Variants in PCDH8 observed in about 807,000 individuals in gnomAD.
PCDH8 encodes the protein protocadherin 8.
Under a neutral mutation model 58.2 loss-of-function variants are expected in PCDH8, and 36 were observed. That is an observed-to-expected ratio of 0.62 (90% confidence interval 0.47 to 0.82). The LOEUF is 0.82. Among genes scored for constraint, PCDH8 ranks in the 40% least tolerant of loss-of-function variants. The pLI, the probability that PCDH8 is intolerant of heterozygous loss-of-function variation, is 0.00. For missense variants in PCDH8, 1,493 were observed against 1,567.8 expected (o/e 0.95, Z 0.81); for synonymous variants, 775 against 728.9 (o/e 1.06, Z -1.02).
chr13:52,846,647 A>G lies in PCDH8; in HGVS notation c.1790T>C (p.Val597Ala). Residue 597 changes from valine (V) to alanine (A), a missense_variant, in exon 1 of 3, where the codon GTG becomes GCG. Physicochemically the swap from Val to Ala is moderately conservative, Grantham distance 64 (BLOSUM62 0). Transcript: ENST00000377942. ...ATGGTCGTTCTGGTCCAGCACGCGCACTTGCACTAGGGCGCTGCTGGAAAG... is the reference window on the plus strand; with the variant it reads ...ATGGTCGTTCTGGTCCAGCACGCGCGCTTGCACTAGGGCGCTGCTGGAAAG... Reference protein sequence around the residue: ...PQLSSSALVQVRVLDQNDHAP... With the variant: ...PQLSSSALVQARVLDQNDHAP... 1 of 1,604,222 alleles carries G rather than the reference A, an allele frequency of 6.2e-7. No homozygotes were observed.
In PCDH8 at chr13:52,846,470, T is replaced by C. The variant is rs768660830; in HGVS notation, c.1967A>G (p.Gln656Arg). ...NGELAFELQQQEPREAFAIGR... is the reference protein window; with the variant it reads ...NGELAFELQQREPREAFAIGR... The stretch of plus-strand genomic sequence containing the variant: ...GATGGCGAAGGCTTCGCGCGGCTCC[T>C]GCTGCTGCAGCTCGAACGCCAGCTC... Residue 656 changes from glutamine to arginine, a missense_variant, in exon 1 of 3, where the codon CAG (glutamine) becomes CGG (arginine). Physicochemically the swap from Gln to Arg is conservative, Grantham distance 43. Transcript: ENST00000377942. The C allele has an allele frequency of 4.4e-6, 7 of 1,598,612 alleles. No homozygotes were observed. In the East Asian group the frequency reaches 1.6e-4, roughly 36 times the overall value.
chr13:52,847,317 C>T lies in PCDH8; in HGVS notation c.1120G>A (p.Ala374Thr). Residue 374 changes from alanine to threonine, a missense_variant, in exon 1 of 3, where the codon GCC becomes ACC. Coordinates refer to ENST00000377942, the MANE Select transcript of PCDH8 (RefSeq NM_002590.4). Reference sequence around the variant, plus strand: ...GCTCCCCCGAGTGCAGCGGCGGCGGCGGCAGCGGCGAAGGGTGAGGTTGCC... The same window carrying T: ...GCTCCCCCGAGTGCAGCGGCGGCGGTGGCAGCGGCGAAGGGTGAGGTTGCC... ...APATSPFAAA[A>T]AAAALGGADA... 1 of 1,408,480 alleles carries T rather than the reference C, an allele frequency of 7.1e-7. No individual in the cohort carries two copies. Among genetic ancestry groups the T allele is most frequent in the East Asian group, 2.8e-5 (1 of 35,256 alleles). 87.2% of individuals were successfully genotyped at this position (1,408,480 alleles called of 1,614,324 possible).
In PCDH8 at chr13:52,847,199, A is replaced by T; in HGVS notation, c.1238T>A (p.Leu413Gln). 7.0e-7 allele frequency: 1 copy of T among 1,436,052 alleles called. No individual in the cohort carries two copies. The highest frequency in any genetic ancestry group is 1.5e-5 in the South Asian group (1 of 66,690). 89.0% of individuals were successfully genotyped at this position (1,436,052 alleles called of 1,614,324 possible). ...EGAARESLVA[L>Q]VSTSDRDSGA... Reference sequence around the variant, plus strand: ...CGAGTCCCTGTCCGAGGTGCTGACCAGGGCCACCAGGCTCTCGCGCGCCGC... The same window carrying T: ...CGAGTCCCTGTCCGAGGTGCTGACCTGGGCCACCAGGCTCTCGCGCGCCGC... The change falls in exon 1 of 3, where the codon CTG becomes CAG. Residue 413 changes from leucine to glutamine, a missense_variant. Coordinates refer to ENST00000377942, the MANE Select transcript of PCDH8 (RefSeq NM_002590.4).
chr13:52,845,954 C>T lies in PCDH8; in HGVS notation c.2483G>A (p.Gly828Asp), dbSNP rs1456707481. ...CGCGGGGCTGCCAAAGGGCGCTTTGCCGGTGCCAGGGAAGGTGAGCACGTC... is the reference window on the plus strand; with the variant it reads ...CGCGGGGCTGCCAAAGGGCGCTTTGTCGGTGCCAGGGAAGGTGAGCACGTC... ...MFDVLTFPGTGKAPFGSPAAD... is the reference protein window; with the variant it reads ...MFDVLTFPGTDKAPFGSPAAD... The change falls in exon 1 of 3, where the codon GGC becomes GAC. Residue 828 changes from glycine (G) to aspartate (D), a missense_variant. This residue lies in a region of PCDH8 where 1,307 missense variants were observed against 1,362.7 expected (regional missense o/e 0.96). Transcript: ENST00000377942. 2.7e-6 allele frequency: 4 copies of T among 1,490,082 alleles called. No individual in the cohort carries two copies. The highest frequency in any genetic ancestry group is 1.3e-5 in the South Asian group (1 of 78,016). 92.3% of individuals were successfully genotyped at this position (1,490,082 alleles called of 1,614,324 possible).
Position 52,846,381 on chromosome 13 carries a change from A to G in PCDH8, c.2056T>C (p.Phe686Leu). The G allele has an allele frequency of 6.3e-7, 1 of 1,590,200 alleles. No individual in the cohort carries two copies. Among genetic ancestry groups the G allele is most frequent in the Non-Finnish European group, 8.5e-7 (1 of 1,170,998 alleles). The change falls in exon 1 of 3, where the codon TTC becomes CTC. Residue 686 changes from phenylalanine to leucine, a missense_variant. Coordinates refer to ENST00000377942, the MANE Select transcript of PCDH8 (RefSeq NM_002590.4). ...DLSQEPPGRVFRALLVISDGG... is the reference protein window; with the variant it reads ...DLSQEPPGRVLRALLVISDGG... ...TCGGATATGACCAGGAGCGCCCTGA[A>G]CACGCGACCGGGTGGCTCCTGCGAG...
In PCDH8 at chr13:52,847,220, G is replaced by A. The variant is rs768100216; in HGVS notation, c.1217C>T (p.Ala406Val). The change falls in exon 1 of 3, where the codon GCG becomes GTG. Residue 406 changes from alanine (A) to valine (V), a missense_variant. Coordinates refer to ENST00000377942, the MANE Select transcript of PCDH8 (RefSeq NM_002590.4). ...GATSLVPEGA[A>V]RESLVALVST... ...GACCAGGGCCACCAGGCTCTCGCGC[G>A]CCGCCCCCTCCGGCACCAGCGAAGT... 2.4e-5 allele frequency: 34 copies of A among 1,400,872 alleles called. No individual in the cohort carries two copies. Among genetic ancestry groups the A allele is most frequent in the Non-Finnish European group, 3.1e-5 (34 of 1,084,660 alleles). 86.8% of individuals were successfully genotyped at this position (1,400,872 alleles called of 1,614,324 possible). A position where few individuals can be genotyped will look rare whatever the true frequency, so the allele number is the denominator to read the frequency against.
Position 52,847,960 on chromosome 13 carries a change from C to T in PCDH8, c.477G>A (p.Pro159=), listed in dbSNP as rs1315850104. The part of the protein sequence containing the change: ...AVGTRIPLEV[P]VDEDVGANGL... Reference sequence around the variant, plus strand: ...CGTTGGCGCCCACGTCCTCGTCCACCGGCACCTCCAAGGGGATGCGCGTGC... The same window carrying T: ...CGTTGGCGCCCACGTCCTCGTCCACTGGCACCTCCAAGGGGATGCGCGTGC... Residue 159 remains proline, a synonymous_variant, in exon 1 of 3, where the codon CCG becomes CCA. Coordinates refer to ENST00000377942, the MANE Select transcript of PCDH8 (RefSeq NM_002590.4). 10 of 1,610,624 alleles carry T rather than the reference C, an allele frequency of 6.2e-6. No homozygotes were observed. Among genetic ancestry groups the T allele is most frequent in the Non-Finnish European group, 8.5e-6 (10 of 1,178,998 alleles).
Position 52,846,583 on chromosome 13 carries a change from G to A in PCDH8, c.1854C>T (p.Ser618=). ...VLVHPAPANG[S]LEVAVPGRTA... Reference sequence around the variant, plus strand: ...TGCGCCCAGGCACCGCCACTTCTAGGGAGCCATTGGCTGGCGCCGGGTGCA... The same window carrying A: ...TGCGCCCAGGCACCGCCACTTCTAGAGAGCCATTGGCTGGCGCCGGGTGCA... The change falls in exon 1 of 3, where the codon TCC becomes TCT. Residue 618 remains serine (S), a synonymous_variant. Transcript: ENST00000377942. 1 of 1,606,376 alleles carries A rather than the reference G, an allele frequency of 6.2e-7. No homozygotes were observed. Among genetic ancestry groups the A allele is most frequent in the South Asian group, 1.1e-5 (1 of 90,706 alleles).
chr13:52,848,064 C>T lies in PCDH8; in HGVS notation c.373G>A (p.Val125Met). Residue 125 changes from valine (V) to methionine (M), a missense_variant, in exon 1 of 3, where the codon GTG (valine) becomes ATG (methionine). By Grantham distance (21) the Val-to-Met change is conservative. Coordinates refer to ENST00000377942, the MANE Select transcript of PCDH8 (RefSeq NM_002590.4). The part of the protein sequence containing the change: ...QFRLVHVEVE[V>M]RDVNDHAPRF... ...GGCGCGTGGTCGTTGACGTCCCTCA[C>T]CTCTACCTCCACGTGCACCAGCCGG... 1 of 1,612,636 alleles carries T rather than the reference C, an allele frequency of 6.2e-7. No individual in the cohort carries two copies. Among genetic ancestry groups the T allele is most frequent in the East Asian group, 2.2e-5 (1 of 44,866 alleles).
Position 52,847,933 on chromosome 13 carries a change from C to G in PCDH8, c.504G>C (p.Gly168=). Residue 168 remains glycine, a synonymous_variant, in exon 1 of 3, where the codon GGG becomes GGC. Transcript: ENST00000377942. ...VPVDEDVGAN[G]LQTVRLAEPH... ...GCTCGGCCAGGCGCACGGTCTGCAG[C>G]CCGTTGGCGCCCACGTCCTCGTCCA... 1.2e-6 allele frequency: 2 copies of G among 1,605,328 alleles called. No homozygotes were observed. Among genetic ancestry groups the G allele is most frequent in the East Asian group, 4.5e-5 (2 of 44,516 alleles).
rs779309453 is a variant in PCDH8, at chr13:52,846,412, G to T, written c.2025C>A (p.Gly675=). The change falls in exon 1 of 3, where the codon GGC becomes GGA. Residue 675 remains glycine, a synonymous_variant. Coordinates refer to ENST00000377942, the MANE Select transcript of PCDH8 (RefSeq NM_002590.4). ...GACCGGGTGGCTCCTGCGAGAGGTC[G>T]CCGGTGAGCAGTATCTCCCCCGTGC... ...GRRTGEILLT[G]DLSQEPPGRV... 3 of 1,595,946 alleles carry T rather than the reference G, an allele frequency of 1.9e-6. No homozygotes were observed. The highest frequency in any genetic ancestry group is 1.7e-6 in the Non-Finnish European group (2 of 1,175,418).
rs1470965230 is a variant in PCDH8, at chr13:52,847,440, G to T, written c.997C>A (p.Pro333Thr). 1 of 1,587,068 alleles carries T rather than the reference G, an allele frequency of 6.3e-7. No homozygotes were observed. Among genetic ancestry groups the T allele is most frequent in the Admixed American group, 1.7e-5 (1 of 58,582 alleles). ...DVRAQDRGPG[P>T]RAATCKVIVR... ...ATGACCTTGCAGGTGGCAGCGCGGG[G>T]CCCGGGTCCGCGGTCCTGCGCCCGC... The change falls in exon 1 of 3, where the codon CCC becomes ACC. Residue 333 changes from proline (P) to threonine (T), a missense_variant. By Grantham distance (38) the Pro-to-Thr change is conservative. Transcript: ENST00000377942.
chr13:52,848,494 C>A lies in PCDH8; in HGVS notation c.-58G>T. 6.6e-7 allele frequency: 1 copy of A among 1,512,228 alleles called. No individual in the cohort carries two copies. The highest frequency in any genetic ancestry group is 1.3e-5 in the South Asian group (1 of 76,318). The allele number at this position is 1,512,228 out of a possible 1,614,324, so 93.7% of individuals were successfully genotyped here. A position where few individuals can be genotyped will look rare whatever the true frequency, so the allele number is the denominator to read the frequency against. On this transcript the variant is annotated 5_prime_UTR_variant, in exon 1 of 3. Coordinates refer to ENST00000377942, the MANE Select transcript of PCDH8 (RefSeq NM_002590.4). ...AGGAAGTCTTCTCTGGTTTCCAGGT[C>A]GGGCGTCAGTCTCAGGCTCTCGGAA...
In PCDH8 at chr13:52,846,781, G is replaced by C; in HGVS notation, c.1656C>G (p.Val552=). The change falls in exon 1 of 3, where the codon GTC becomes GTG. Residue 552 remains valine (V), a synonymous_variant. Transcript: ENST00000377942. ...GRAGGAVSTY[V]SVDPATGAIY... ...TGGCTCCGGTAGCTGGGTCCACCGA[G>C]ACATAAGTGGACACGGCGCCCCCGG... The C allele has an allele frequency of 1.2e-5, 19 of 1,565,858 alleles. No homozygotes were observed. The highest frequency in any genetic ancestry group is 1.6e-5 in the Non-Finnish European group (19 of 1,163,124).
chr13:52,846,005 C>T lies in PCDH8; in HGVS notation c.2432G>A (p.Gly811Glu), dbSNP rs758566629. The T allele has an allele frequency of 6.8e-7, 1 of 1,470,180 alleles. No homozygotes were observed. The highest frequency in any genetic ancestry group is 1.4e-5 in the South Asian group (1 of 73,958). 91.1% of individuals were successfully genotyped at this position (1,470,180 alleles called of 1,614,324 possible). ...GAACATGTTGGGCCTGGGCCCGGCT[C>T]CCCGGGCGGCCTCCTCCGGGGAGCC... ...APGSPEEAAR[G>E]AGPRPNMFDV... is the part of the protein sequence containing the mutation. The change falls in exon 1 of 3, where the codon GGA becomes GAA. Residue 811 changes from glycine (G) to glutamate (E), a missense_variant. This residue lies in a region of PCDH8 where 1,307 missense variants were observed against 1,362.7 expected (regional missense o/e 0.96). Coordinates refer to ENST00000377942, the MANE Select transcript of PCDH8 (RefSeq NM_002590.4).
Position 52,844,774 on chromosome 13 carries a change from C to G in PCDH8, c.2999G>C (p.Arg1000Thr). 6.2e-7 allele frequency: 1 copy of G among 1,613,406 alleles called. No individual in the cohort carries two copies. The highest frequency in any genetic ancestry group is 8.5e-7 in the Non-Finnish European group (1 of 1,179,666). Reference protein sequence around the residue: ...STSLPRDPLRRDNYYQAQLPK... With the variant: ...STSLPRDPLRTDNYYQAQLPK... ...CAGCTGGGCCTGGTAGTAATTGTCCCTGCGCAGAGGATCCCGAGGCAGTGA... is the reference window on the plus strand; with the variant it reads ...CAGCTGGGCCTGGTAGTAATTGTCCGTGCGCAGAGGATCCCGAGGCAGTGA... Residue 1000 changes from arginine (R) to threonine (T), a missense_variant, in exon 3 of 3, where the codon AGG becomes ACG. Physicochemically the swap from Arg to Thr is moderately conservative, Grantham distance 71. Around this residue, in one of 3 missense-constraint regions of PCDH8, gnomAD observed 182 missense variants for 178.9 expected, o/e 1.02. Transcript: ENST00000377942.
chr13:52,848,048 T>C lies in PCDH8; in HGVS notation c.389A>G (p.Asp130Gly). Reference protein sequence around the residue: ...HVEVEVRDVNDHAPRFPRAQI... With the variant: ...HVEVEVRDVNGHAPRFPRAQI... ...GGCCCTGGGGAAGCGCGGCGCGTGG[T>C]CGTTGACGTCCCTCACCTCTACCTC... The change falls in exon 1 of 3, where the codon GAC (aspartate) becomes GGC (glycine). Residue 130 changes from aspartate (D) to glycine (G), a missense_variant. Physicochemically the swap from Asp to Gly is moderately conservative, Grantham distance 94. Around this residue, in one of 3 missense-constraint regions of PCDH8, gnomAD observed 1,307 missense variants for 1,362.7 expected, o/e 0.96. Transcript: ENST00000377942. The C allele has an allele frequency of 6.2e-7, 1 of 1,611,980 alleles. No individual in the cohort carries two copies. The highest frequency in any genetic ancestry group is 8.5e-7 in the Non-Finnish European group (1 of 1,179,240).
At position 52,848,008 on chromosome 13, in the gene PCDH8, C is replaced by G. The variant is rs1965772576; in HGVS notation, c.429G>C (p.Glu143Asp). 6.2e-7 allele frequency: 1 copy of G among 1,610,910 alleles called. No homozygotes were observed. Residue 143 changes from glutamate to aspartate, a missense_variant, in exon 1 of 3, where the codon GAG becomes GAC. Coordinates refer to ENST00000377942, the MANE Select transcript of PCDH8 (RefSeq NM_002590.4). ...PRFPRAQIPV[E>D]VSEGAAVGTR... ...TGCCCACTGCCGCACCCTCGGACAC[C>G]TCTACCGGGATCTGGGCCCTGGGGA...
chr13:52,846,238 A>G lies in PCDH8; in HGVS notation c.2199T>C (p.Pro733=), dbSNP rs372212286. ...SAGSPERSRP[P]GSRLGVSGSV... ...ACCCGGACACCCCGAGCCGAGAGCC[A>G]GGCGGGCGGGAACGCTCCGGGCTTC... The change falls in exon 1 of 3, where the codon CCT becomes CCC. Residue 733 remains proline (P), a synonymous_variant. Coordinates refer to ENST00000377942, the MANE Select transcript of PCDH8 (RefSeq NM_002590.4). 6.3e-5 allele frequency: 100 copies of G among 1,584,910 alleles called. No individual in the cohort carries two copies. The African/African-American group carries it at 1.3e-3, about 21-fold the overall frequency.
Sources: allele counts gnomAD v4.1 joint callset, GRCh38; gene constraint gnomAD v4.1.1; regional missense constraint gnomAD v4.1.1; transcripts MANE v1.5; gene names NCBI Gene and HGNC (gene_info 2026-07-23, HGNC 2026-07-21).